Variants in SRGAP3 observed in about 807,000 individuals in gnomAD.
SRGAP3 encodes the protein SLIT-ROBO Rho GTPase activating protein 3.
Under a neutral mutation model 121.1 loss-of-function variants are expected in SRGAP3, and 39 were observed. That is an observed-to-expected ratio of 0.32 (90% CI 0.25 to 0.42). The LOEUF is 0.42. Among genes scored for constraint, SRGAP3 ranks in the 10% least tolerant of loss-of-function variants. The probability of loss-of-function intolerance (pLI) is 1.00; values close to 1 mark genes in which losing one functional copy is unlikely to be tolerated. For missense variants in SRGAP3, 1,213 were observed against 1,470.6 expected (o/e 0.82, Z 2.86); for synonymous variants, 601 against 570.0 (o/e 1.05, Z -0.77).
chr3:9,070,048 G>A (rs975927452), intron 4 of SRGAP3, among the ~76,000 whole-genome samples: 2 of 152,340 alleles, frequency 1.3e-5, no homozygotes, highest in East Asian at 1.9e-4. Context: ...TCTGTTTACC[G>A]CTAAGCATTG....
intron 17 of SRGAP3, 70 bp from the exon 18 acceptor site, chr3:9,010,457 A>G (rs1943306075): frequency 1.3e-6 from 2 of 1,581,784 alleles, no homozygotes; most frequent in Non-Finnish European, 1.7e-6. Flanking sequence ...TCAGCCTCTC[A>G]TGCCAGTCCA....
intron 6 of SRGAP3, chr3:9,058,704 T>C (rs1945962900): frequency 3.9e-6 from 2 of 513,338 alleles, no homozygotes; most frequent in Non-Finnish European, 6.8e-6. Context: ...TTCACCATCT[T>C]TCTCTCTCTC....
At chr3:9,246,466 T>C (rs576843962) in intron 1 of SRGAP3, among the ~76,000 whole-genome samples, 2 of 152,272 alleles carry the variant, frequency 1.3e-5, no homozygotes, top group East Asian at 3.9e-4. Context: ...GCTGCTGACA[T>C]CAATCCTTCA....
intron 3 of SRGAP3, among the ~76,000 whole-genome samples, chr3:9,303,375 A>G (rs1278012512): frequency 6.6e-6 from 1 of 151,638 alleles, no homozygotes; most frequent in Non-Finnish European, 1.5e-5. Flanking sequence ...CAGCAAGCTG[A>G]GATCGCACCA....
At chr3:9,195,265 G>T (rs1951881719) in intron 1 of SRGAP3, among the ~76,000 whole-genome samples, 1 of 152,186 alleles carries the variant, frequency 6.6e-6, no homozygotes, top group Non-Finnish European at 1.5e-5. Flanking sequence ...CATTGTTTCA[G>T]CATTATTTAC....
Position 9,170,159 on chromosome 3 carries a change from GGAT to G in SRGAP3, c.68-45245_68-45243del, listed in dbSNP as rs1312409432. Among the ~76,000 whole-genome samples, 8 of 152,250 alleles carry G rather than the reference GGAT, an allele frequency of 5.3e-5. No individual in the cohort carries two copies. In the South Asian group the frequency reaches 1.5e-3, roughly 28 times the overall value. On this transcript the variant is annotated intron_variant, in intron 1 of 21. Transcript: ENST00000383836. The stretch of plus-strand genomic sequence containing the variant: ...GCCGTTTAGACAGTGCTGGTGTGTG[GGAT>G]GTGTGGGTGAATGTCCGTAGAAGAA...
intron 3 of SRGAP3, among the ~76,000 whole-genome samples, chr3:9,275,352 C>A (rs1411682314): frequency 6.6e-6 from 1 of 152,044 alleles, no homozygotes; most frequent in Non-Finnish European, 1.5e-5. Context: ...GAGTGCCAAC[C>A]CACTCAGCCA....
chr3:9,047,326 G>C, intron 10 of SRGAP3, 65 bp downstream of exon 10: 1 of 1,531,390 alleles, frequency 6.5e-7, no homozygotes, highest in Non-Finnish European at 9.0e-7. Context: ...AACACGTCAG[G>C]GGGCCACAGT....
At chr3:9,222,437 C>A (rs922291053) in intron 1 of SRGAP3, among the ~76,000 whole-genome samples, 4 of 152,190 alleles carry the variant, frequency 2.6e-5, no homozygotes, top group African/African-American at 9.7e-5. Flanking sequence ...ACAAGACACC[C>A]TGCATCTTTA....
intron 1 of SRGAP3, among the ~76,000 whole-genome samples, chr3:9,208,114 A>G (rs1952327442): frequency 6.6e-6 from 1 of 152,092 alleles, no homozygotes. Flanking sequence ...CCCCTCCCAC[A>G]GTTGCACTGG....
At chr3:9,018,166 G>A (rs1283400924) in intron 14 of SRGAP3, among the ~76,000 whole-genome samples, 2 of 152,164 alleles carry the variant, frequency 1.3e-5, no homozygotes, top group Non-Finnish European at 2.9e-5. Flanking sequence ...CATACATGTT[G>A]CTGCAAATGA....
intron 1 of SRGAP3, among the ~76,000 whole-genome samples, chr3:9,337,979 A>G (rs1011558438): frequency 1.3e-5 from 2 of 152,246 alleles, no homozygotes; most frequent in Non-Finnish European, 2.9e-5. Context: ...CCATGGAACT[A>G]AAGTTTCACA....
At chr3:9,099,344 C>T (rs567323179) in intron 3 of SRGAP3, among the ~76,000 whole-genome samples, 9 of 152,284 alleles carry the variant, frequency 5.9e-5, no homozygotes, top group African/African-American at 2.2e-4. Flanking sequence ...ATTCACATCA[C>T]GGCCGGGGCA....
At chr3:9,163,908 T>C (rs1575169299) in intron 1 of SRGAP3, among the ~76,000 whole-genome samples, 1 of 151,650 alleles carries the variant, frequency 6.6e-6, no homozygotes, top group South Asian at 2.1e-4. Context: ...TTCCATTGAA[T>C]GCGCACCCAC....
At chr3:8,994,086 G>A in intron 19 of SRGAP3, 1 of 510,622 alleles carries the variant, frequency 2.0e-6, no homozygotes, top group Non-Finnish European at 3.6e-6. Context: ...CTCCCTGGGG[G>A]CTGTCAGCTG....
intron 3 of SRGAP3, among the ~76,000 whole-genome samples, chr3:9,314,078 T>C (rs1311110052): frequency 1.2e-4 from 19 of 152,228 alleles, no homozygotes; most frequent in East Asian, 1.9e-4. Flanking sequence ...GGCAGAACTT[T>C]TGTCTGTCTT....
At chr3:9,126,221 T>A in intron 1 of SRGAP3, among the ~76,000 whole-genome samples, 1 of 152,152 alleles carries the variant, frequency 6.6e-6, no homozygotes, top group East Asian at 1.9e-4. Context: ...CTCCTCACAA[T>A]GGTCCTGTTC....
chr3:9,050,437 C>T (rs1376714134), intron 9 of SRGAP3, among the ~76,000 whole-genome samples: 1 of 152,184 alleles, frequency 6.6e-6, no homozygotes, highest in African/African-American at 2.4e-5. Flanking sequence ...CTCTGTCCGC[C>T]TCATTTAAGC....
chr3:9,042,814 T>C (rs1158792988), intron 10 of SRGAP3, among the ~76,000 whole-genome samples: 2 of 152,212 alleles, frequency 1.3e-5, no homozygotes, highest in Non-Finnish European at 2.9e-5. Context: ...ACAAGGAGTG[T>C]TGATTTCCTG....
Sources: gnomAD v4.1 joint callset for allele counts (sites outside exome capture counted in the v4.1 genomes callset) on GRCh38, gnomAD v4.1.1 for gene constraint, MANE v1.5 for transcripts, NCBI Gene and HGNC (gene_info 2026-07-23, HGNC 2026-07-21) for gene names.